ASPH: variants seen among roughly 807,000 people sequenced by gnomAD.
The protein encoded by ASPH is aspartate beta-hydroxylase.
In ASPH, 100 loss-of-function variants were observed where a neutral mutation model predicts 118.4. The ratio of observed to expected loss-of-function variants is 0.84; its 90% CI spans 0.72 to 1.00. The LOEUF is 1.00. Ranked by LOEUF, ASPH falls within the 50% of genes least tolerant of loss-of-function variation. The probability of loss-of-function intolerance (pLI) is 0.00; values close to 1 mark genes in which losing one functional copy is unlikely to be tolerated. For missense variants in ASPH, 920 were observed against 919.5 expected (o/e 1.00, Z -0.01); for synonymous variants, 315 against 325.6 (o/e 0.97, Z 0.35).
In ASPH at chr8:61,568,179, G is replaced by A. The variant is rs76206041; in HGVS notation, c.1150-861C>T. On this transcript the variant is annotated intron_variant, in intron 16 of 24. Coordinates refer to ENST00000379454, the MANE Select transcript of ASPH (RefSeq NM_004318.4). ...AAATGATCTGATGTATGTATTGAAG[G>A]GATCATGGTGGCAGCCGTATGGAGA... is the stretch of plus-strand genomic sequence containing the variant. Among the ~76,000 whole-genome samples, 1,319 of 152,286 alleles carry A rather than the reference G, an allele frequency of 8.7e-3. 12 individuals are homozygous for A. Among genetic ancestry groups the A allele is most frequent in the African/African-American group, 0.03 (1,264 of 41,540 alleles).
intron 24 of ASPH, among the ~76,000 whole-genome samples, chr8:61,512,728 A>G (rs75527078): frequency 0.089 from 13,502 of 152,282 alleles, 683 homozygotes; most frequent in Non-Finnish European, 0.12. Flanking sequence ...CAGGATTGCC[A>G]TAAGCATGAA....
At chr8:61,527,485 C>T (rs988863793) in intron 21 of ASPH, among the ~76,000 whole-genome samples, 13 of 152,198 alleles carry the variant, frequency 8.5e-5, no homozygotes, top group Non-Finnish European at 1.6e-4. Context: ...CATGAAAACA[C>T]TAGCTATTAA....
intron 16 of ASPH, among the ~76,000 whole-genome samples, chr8:61,575,087 C>A (rs1257236023): frequency 2.0e-5 from 3 of 152,168 alleles, no homozygotes; most frequent in Non-Finnish European, 4.4e-5. Flanking sequence ...CACATCTCAG[C>A]CACATGTTGT....
intron 14 of ASPH, among the ~76,000 whole-genome samples, chr8:61,609,889 A>T (rs1385289748): frequency 6.6e-6 from 1 of 152,234 alleles, no homozygotes; most frequent in East Asian, 1.9e-4. Context: ...CTGTCTTTTT[A>T]TGGCACATTT....
intron 12 of ASPH, among the ~76,000 whole-genome samples, chr8:61,636,449 C>CAA (rs1801774486): frequency 6.6e-6 from 1 of 152,036 alleles, no homozygotes; most frequent in Non-Finnish European, 1.5e-5. Flanking sequence ...ATACAACCGG[C>CAA]CAAGAGAAGA....
At chr8:61,714,238 C>A in intron 1 of ASPH, 31 bp downstream of exon 1, 3 of 1,467,870 alleles carry the variant, frequency 2.0e-6, no homozygotes, top group Admixed American at 2.4e-5. Flanking sequence ...CGAGGCGAGG[C>A]CCCAGATCCC....
At chr8:61,711,080 A>AAATAAT (rs71257380) in intron 1 of ASPH, among the ~76,000 whole-genome samples, 117,735 of 151,154 alleles carry the variant, frequency 0.78, 46,146 homozygotes, top group African/African-American at 0.87. Context: ...CAGACGGATT[A>AAATAAT]AATAATAATT....
chr8:61,701,910 G>T (rs6995763), intron 1 of ASPH, among the ~76,000 whole-genome samples: 127,126 of 152,192 alleles, frequency 0.84, 53,246 homozygotes, highest in African/African-American at 0.88. Flanking sequence ...ATTCTTAGTA[G>T]CTGAAATAGT....
chr8:61,505,901 G>A (rs1806356180), intron 24 of ASPH, among the ~76,000 whole-genome samples: 1 of 152,176 alleles, frequency 6.6e-6, no homozygotes, highest in Non-Finnish European at 1.5e-5. Flanking sequence ...AGTTAGGCAG[G>A]CATTTTCTAG....
At chr8:61,570,637 T>G (rs192768201) in intron 16 of ASPH, among the ~76,000 whole-genome samples, 1 of 152,314 alleles carries the variant, frequency 6.6e-6, no homozygotes, top group Admixed American at 6.5e-5. Context: ...CACATAATTC[T>G]TTATAAGCTC....
intron 2 of ASPH, among the ~76,000 whole-genome samples, chr8:61,683,211 G>A (rs1022218147): frequency 6.6e-6 from 1 of 151,740 alleles, no homozygotes; most frequent in South Asian, 2.1e-4. Flanking sequence ...TTAGGGGAAG[G>A]GGGTAACAAA....
intron 15 of ASPH, chr8:61,579,445 T>C: frequency 6.2e-7 from 1 of 1,610,174 alleles, no homozygotes; most frequent in Non-Finnish European, 8.5e-7. Flanking sequence ...ATGCAGAACA[T>C]GAGTATTCAT....
intron 3 of ASPH, chr8:61,663,230 T>G: frequency 4.1e-6 from 4 of 985,300 alleles, no homozygotes; most frequent in Non-Finnish European, 4.8e-6. Context: ...AGCCCTACAT[T>G]TGATGAAGTT....
chr8:61,633,474 A>AG, intron 13 of ASPH: 2 of 374,422 alleles, frequency 5.3e-6, no homozygotes, highest in Non-Finnish European at 9.8e-6. Context: ...CTCAAATTCT[A>AG]GCTCAGCAGA....
At position 61,578,609 on chromosome 8, in the gene ASPH, G is replaced by T. The variant is rs545765126; in HGVS notation, c.1063-1751C>A. On this transcript the variant is annotated intron_variant, in intron 15 of 24. Coordinates refer to ENST00000379454, the MANE Select transcript of ASPH (RefSeq NM_004318.4). ...AGTGGAGCCTCCTGCAGCAGCAGAAGATGGCTCGGAGCAACATGGACAACA... is the reference window on the plus strand; with the variant it reads ...AGTGGAGCCTCCTGCAGCAGCAGAATATGGCTCGGAGCAACATGGACAACA... The T allele has an allele frequency of 3.1e-4, 473 of 1,539,038 alleles. 4 individuals carry two copies. The highest frequency in any genetic ancestry group is 4.3e-4 in the Middle Eastern group (2 of 4,688).
At chr8:61,559,953 C>A (rs1829229133) in intron 18 of ASPH, among the ~76,000 whole-genome samples, 1 of 150,396 alleles carries the variant, frequency 6.6e-6, no homozygotes, top group South Asian at 2.1e-4. Flanking sequence ...GGGGGGGGAG[C>A]AAGCTAGGAC....
At chr8:61,661,226 T>G (rs1481451441) in intron 3 of ASPH, 1 of 152,208 alleles carries the variant, frequency 6.6e-6, no homozygotes, top group South Asian at 2.1e-4. Flanking sequence ...AATATTTGTT[T>G]TGCAATCTGT....
intron 1 of ASPH, chr8:61,689,655 TA>T: frequency 6.3e-7 from 1 of 1,583,606 alleles, no homozygotes; most frequent in Non-Finnish European, 8.6e-7. Context: ...ACTTTTAGCC[TA>T]AATAACAAAA....
intron 1 of ASPH, among the ~76,000 whole-genome samples, chr8:61,701,511 T>G (rs1835240406): frequency 1.3e-5 from 2 of 152,220 alleles, no homozygotes; most frequent in African/African-American, 4.8e-5. Flanking sequence ...GTTTTCCACC[T>G]TCATATAAGT....
Sources: gnomAD v4.1 joint callset for allele counts (sites outside exome capture counted in the v4.1 genomes callset) on GRCh38, gnomAD v4.1.1 for gene constraint, MANE v1.5 for transcripts, NCBI Gene and HGNC (gene_info 2026-07-23, HGNC 2026-07-21) for gene names.